Variants in SPTBN4 observed in about 807,000 individuals in gnomAD.
The protein encoded by SPTBN4 is spectrin beta chain, non-erythrocytic 4.
Under a neutral mutation model 277.8 loss-of-function variants are expected in SPTBN4, and 96 were observed. The ratio of observed to expected loss-of-function variants is 0.35; its 90% CI spans 0.29 to 0.41. SPTBN4 has a LOEUF of 0.41. Among genes scored for constraint, SPTBN4 ranks in the 10% least tolerant of loss-of-function variants. The pLI, the probability that SPTBN4 is intolerant of heterozygous loss-of-function variation, is 1.00. For synonymous variants in SPTBN4, 1,481 were observed against 1,580.3 expected, an observed-to-expected ratio of 0.94 and a Z score of 1.49; for missense variants, 3,006 against 3,595.7, an observed-to-expected ratio of 0.84 and a Z score of 4.19.
In SPTBN4 at chr19:40,550,252, G is replaced by A. The variant is rs2145924775; in HGVS notation, c.4599G>A (p.Glu1533=). Reference sequence around the variant, plus strand: ...GTCCTCTCCAGGCATGGGTTCAGGAGCGGCTGCCACTGGCCATGCAGACAG... The same window carrying A: ...GTCCTCTCCAGGCATGGGTTCAGGAACGGCTGCCACTGGCCATGCAGACAG... ...DLDDELAWVQ[E]RLPLAMQTER... The change falls in exon 22 of 36, where the codon GAG becomes GAA. Residue 1533 remains glutamate, a synonymous_variant. Coordinates refer to ENST00000598249, the MANE Select transcript of SPTBN4 (RefSeq NM_020971.3). The A allele has an allele frequency of 1.2e-6, 2 of 1,613,340 alleles. No individual in the cohort carries two copies. Among genetic ancestry groups the A allele is most frequent in the African/African-American group, 2.7e-5 (2 of 75,030 alleles).
At chr19:40,505,840 C>T (rs949428428) in intron 12 of SPTBN4, among the ~76,000 whole-genome samples, 1 of 151,744 alleles carries the variant, frequency 6.6e-6, no homozygotes, top group African/African-American at 2.4e-5. Context: ...GAAAGAGAGG[C>T]AGAGAAAGAT....
At chr19:40,471,565 G>T (rs1019998057) in intron 1 of SPTBN4, among the ~76,000 whole-genome samples, 12 of 152,140 alleles carry the variant, frequency 7.9e-5, no homozygotes, top group Non-Finnish European at 5.9e-5. Flanking sequence ...AGTGGTGAGG[G>T]TGAACATTAT....
At chr19:40,485,812 A>G (rs1568763975) in intron 2 of SPTBN4, among the ~76,000 whole-genome samples, 1 of 152,064 alleles carries the variant, frequency 6.6e-6, no homozygotes, top group East Asian at 1.9e-4. Flanking sequence ...ACTCAAAAAA[A>G]AAAGAGTAAT....
At chr19:40,497,919 A>G (rs2080218600) in intron 7 of SPTBN4, among the ~76,000 whole-genome samples, 1 of 150,412 alleles carries the variant, frequency 6.6e-6, no homozygotes, top group African/African-American at 2.5e-5. Context: ...CCTGCTTTCA[A>G]CCATCTCCCA....
chr19:40,504,149 GGGGA>G lies in SPTBN4; in HGVS notation c.1665+18_1665+21del. ...GAGATGCAGGTGCCGGCGGGGGGGC[GGGGA>G]TGCGGGTGGAGTGCCAGGAGGGAGG... On this transcript the variant is annotated intron_variant, in intron 12 of 35. Transcript: ENST00000598249. 6 of 1,080,342 alleles carry G rather than the reference GGGGA, an allele frequency of 5.6e-6. No homozygotes were observed. The highest frequency in any genetic ancestry group is 8.2e-6 in the Non-Finnish European group (6 of 735,064). The allele number at this position is 1,080,342 out of a possible 1,614,324, so 66.9% of individuals were successfully genotyped here.
chr19:40,556,389 T>TC (rs1182573651), intron 25 of SPTBN4, 101 bp downstream of exon 25: 1 of 1,066,908 alleles, frequency 9.4e-7, no homozygotes, highest in Non-Finnish European at 1.3e-6. Flanking sequence ...AGCACCCGCC[T>TC]CATGGCTCTG....
intron 31 of SPTBN4, among the ~76,000 whole-genome samples, chr19:40,568,911 T>G (rs2081122934): frequency 6.6e-6 from 1 of 152,128 alleles, no homozygotes; most frequent in South Asian, 2.1e-4. Context: ...TTCATGAACA[T>G]TTGCTGAGTG....
At chr19:40,566,977 AAAAAAACAAC>A (rs1004761639) in intron 30 of SPTBN4, 2 of 304,784 alleles carry the variant, frequency 6.6e-6, no homozygotes, top group Non-Finnish European at 1.4e-5. Context: ...CAACAATAAA[AAAAAAACAAC>A]AAAAAAAAAC....
Position 40,534,262 on chromosome 19 carries a change from C to T in SPTBN4, c.4278C>T (p.Leu1426=). Residue 1426 remains leucine, a synonymous_variant, in exon 20 of 36, where the codon CTC becomes CTT. Transcript: ENST00000598249. Reference sequence around the variant, plus strand: ...GCTTTGCTGAGCTGGACAAGAAGCTCCTTCACATGGAGAGCCAGCTGCAAG... The same window carrying T: ...GCTTTGCTGAGCTGGACAAGAAGCTTCTTCACATGGAGAGCCAGCTGCAAG... ...VQSFAELDKK[L]LHMESQLQDV... 2 of 1,614,180 alleles carry T rather than the reference C, an allele frequency of 1.2e-6. No individual in the cohort carries two copies. The highest frequency in any genetic ancestry group is 1.7e-6 in the Non-Finnish European group (2 of 1,180,046).
At chr19:40,564,337 A>T (rs2081072250) in intron 27 of SPTBN4, among the ~76,000 whole-genome samples, 1 of 152,196 alleles carries the variant, frequency 6.6e-6, no homozygotes, top group South Asian at 2.1e-4. Flanking sequence ...CAACAACAAC[A>T]AAAAACTATT....
In SPTBN4 at chr19:40,566,149, A is replaced by C. The variant is rs770550419; in HGVS notation, c.6140-14A>C. 3.4e-6 allele frequency: 5 copies of C among 1,488,366 alleles called. No individual in the cohort carries two copies. The highest frequency in any genetic ancestry group is 4.5e-6 in the Non-Finnish European group (5 of 1,113,412). The allele number at this position is 1,488,366 out of a possible 1,614,324, so 92.2% of individuals were successfully genotyped here. A position where few individuals can be genotyped will look rare whatever the true frequency, so the allele number is the denominator to read the frequency against. On this transcript the variant is annotated splice_polypyrimidine_tract_variant and intron_variant, in intron 29 of 35. Coordinates refer to ENST00000598249, the MANE Select transcript of SPTBN4 (RefSeq NM_020971.3). ...AGATGCCCCAGAATCCTTACCCTGCATGCCCCTCCTCAGTGCTGGAGGTGC... is the reference window on the plus strand; with the variant it reads ...AGATGCCCCAGAATCCTTACCCTGCCTGCCCCTCCTCAGTGCTGGAGGTGC...
intron 21 of SPTBN4, 44 bp downstream of exon 21, chr19:40,549,457 T>TG: frequency 6.1e-5 from 1 of 16,490 alleles, no homozygotes; most frequent in Non-Finnish European, 9.9e-5. Flanking sequence ...GGCGGGGCGG[T>TG]GGGGCGGAGA....
chr19:40,556,728 C>A (rs1410808489), intron 25 of SPTBN4, among the ~76,000 whole-genome samples: 1 of 151,932 alleles, frequency 6.6e-6, no homozygotes, highest in Admixed American at 6.6e-5. Context: ...GAGTATGAGA[C>A]CAGCCTGGCC....
rs542892567 is a variant in SPTBN4 at position 40,502,729 on chromosome 19, T to C, written c.1204-46T>C. 43 of 1,600,420 alleles carry C rather than the reference T, an allele frequency of 2.7e-5. No homozygotes were observed. The African/African-American group carries it at 4.0e-4, about 15-fold the overall frequency. Reference sequence around the variant, plus strand: ...TCAGACTAAGTCAAGACCATTAAACTGTGGGGAGCTGTCAGAGTCTGAGTG... The same window carrying C: ...TCAGACTAAGTCAAGACCATTAAACCGTGGGGAGCTGTCAGAGTCTGAGTG... On this transcript the variant is annotated intron_variant, in intron 10 of 35. Coordinates refer to ENST00000598249, the MANE Select transcript of SPTBN4 (RefSeq NM_020971.3). This position sits in a 1 kb window ranked among gnomAD's most constrained non-coding sequence, Gnocchi z 4.9.
Position 40,554,114 on chromosome 19 carries a change from C to G in SPTBN4, c.4675-33C>G. 1 of 1,413,110 alleles carries G rather than the reference C, an allele frequency of 7.1e-7. No homozygotes were observed. 87.5% of individuals were successfully genotyped at this position (1,413,110 alleles called of 1,614,324 possible). The stretch of plus-strand genomic sequence containing the variant: ...CTTGCAGGGCCTCGGAACGCCCCCT[C>G]TCCACCCACATCCCCTTACCTCCTG... On this transcript the variant is annotated intron_variant, in intron 22 of 35. Transcript: ENST00000598249. The surrounding 1 kb of genome is among the most constrained non-coding windows in gnomAD (Gnocchi z 5.7).
intron 2 of SPTBN4, among the ~76,000 whole-genome samples, chr19:40,480,977 A>G (rs776717274): frequency 6.6e-6 from 1 of 152,158 alleles, no homozygotes; most frequent in Non-Finnish European, 1.5e-5. Flanking sequence ...AGGCAGGAGA[A>G]TCACTTGAAC....
At chr19:40,467,929 G>A (rs2079844757) in intron 1 of SPTBN4, among the ~76,000 whole-genome samples, 1 of 152,122 alleles carries the variant, frequency 6.6e-6, no homozygotes, top group Non-Finnish European at 1.5e-5. Flanking sequence ...TCCAGAAGAG[G>A]CAAATCGATT....
chr19:40,557,062 G>C lies in SPTBN4; in HGVS notation c.5329G>C (p.Gly1777Arg), dbSNP rs773610600. ...ATTCTCAGAGTTTGCCAGCGAGACAGGTATGGCAGGGCGGGAACGGCTGGC... is the reference window on the plus strand; with the variant it reads ...ATTCTCAGAGTTTGCCAGCGAGACACGTATGGCAGGGCGGGAACGGCTGGC... The part of the protein sequence containing the change: ...EKFSEFASET[G>R]MAGRERLAAV... The change falls in exon 26 of 36, where the codon GGT becomes CGT. Residue 1777 changes from glycine to arginine, a missense_variant. Around this residue, in one of 5 missense-constraint regions of SPTBN4, gnomAD observed 425 missense variants for 594.7 expected, o/e 0.71. Transcript: ENST00000598249. The C allele has an allele frequency of 6.4e-7, 1 of 1,572,144 alleles. No homozygotes were observed. Among genetic ancestry groups the C allele is most frequent in the Non-Finnish European group, 8.7e-7 (1 of 1,152,350 alleles).
At chr19:40,533,455 C>A (rs1177455143) in intron 19 of SPTBN4, among the ~76,000 whole-genome samples, 1 of 152,074 alleles carries the variant, frequency 6.6e-6, no homozygotes, top group African/African-American at 2.4e-5. Flanking sequence ...AAGCCTCAAC[C>A]CTCAGAACTT....
Sources: gnomAD v4.1 joint callset for allele counts (sites outside exome capture counted in the v4.1 genomes callset) on GRCh38, gnomAD v4.1.1 for gene constraint, gnomAD v4.1.1 regional missense constraint, Gnocchi (gnomAD v3.1) non-coding constraint, MANE v1.5 for transcripts, NCBI Gene and HGNC (gene_info 2026-07-23, HGNC 2026-07-21) for gene names.